Variants in ARHGDIB observed in about 807,000 individuals in gnomAD.
ARHGDIB encodes Rho GDP dissociation inhibitor beta, also known as rho GDP-dissociation inhibitor 2.
ARHGDIB carries 20 observed loss-of-function variants against 22.6 expected under a neutral mutation model. The observed-to-expected ratio is 0.88, with a 90% CI of 0.62 to 1.28. ARHGDIB has a LOEUF of 1.28. ARHGDIB is among the 50% of genes most tolerant of loss of function. The probability of loss-of-function intolerance (pLI) is 0.00; values close to 1 mark genes in which losing one functional copy is unlikely to be tolerated. For missense variants in ARHGDIB, 254 were observed against 245.4 expected, an observed-to-expected ratio of 1.04 and a Z score of -0.23; for synonymous variants, 114 against 96.1, an observed-to-expected ratio of 1.19 and a Z score of -1.09.
At chr12:14,951,654 AG>A (rs988405116) in intron 1 of ARHGDIB, among the ~76,000 whole-genome samples, 1 of 150,190 alleles carries the variant, frequency 6.7e-6, no homozygotes, top group African/African-American at 2.4e-5. Context: ...CATACCCTGG[AG>A]TCTTCCTTCA....
chr12:14,949,367 A>G (rs941773763), intron 3 of ARHGDIB, among the ~76,000 whole-genome samples: 2 of 152,194 alleles, frequency 1.3e-5, no homozygotes, highest in Non-Finnish European at 2.9e-5. Flanking sequence ...AATCTATAGC[A>G]GTGGAATTTC....
Position 14,944,977 on chromosome 12 carries a change from T to A in ARHGDIB, c.343-138A>T, listed in dbSNP as rs934132951. The A allele has an allele frequency of 9.5e-6, 6 of 633,912 alleles. No homozygotes were observed. The African/African-American group carries it at 1.1e-4, about 12-fold the overall frequency. The allele number at this position is 633,912 out of a possible 1,614,324, so 39.3% of individuals were successfully genotyped here. A position where few individuals can be genotyped will look rare whatever the true frequency, so the allele number is the denominator to read the frequency against. On this transcript the variant is annotated intron_variant, in intron 4 of 5. Transcript: ENST00000228945. ...ATTTAGTTCAGAATTGGTGTTTCTA[T>A]AATTATTTAGCATGGCTGTGAGGCA...
intron 1 of ARHGDIB, among the ~76,000 whole-genome samples, chr12:14,952,495 G>A (rs1310429021): frequency 1.3e-5 from 2 of 152,164 alleles, no homozygotes; most frequent in Non-Finnish European, 2.9e-5. Flanking sequence ...ACTCAAAGAT[G>A]AGACTCTAGA....
chr12:14,949,664 G>A (rs1162946574), intron 3 of ARHGDIB, 138 bp downstream of exon 3: 32 of 741,792 alleles, frequency 4.3e-5, no homozygotes, highest in South Asian at 3.8e-4. Context: ...CACTCTAAGA[G>A]CAATGATTTG....
At chr12:14,945,425 C>T (rs1324029736) in intron 4 of ARHGDIB, among the ~76,000 whole-genome samples, 20 of 152,164 alleles carry the variant, frequency 1.3e-4, no homozygotes, top group Admixed American at 1.2e-3. Flanking sequence ...CATTTTCAGA[C>T]GTTGTCTGAG....
At chr12:14,958,385 A>G (rs995280497) in intron 1 of ARHGDIB, among the ~76,000 whole-genome samples, 2 of 152,248 alleles carry the variant, frequency 1.3e-5, no homozygotes, top group Non-Finnish European at 2.9e-5. Context: ...AAATATTGTA[A>G]TCAATCCAGA....
intron 3 of ARHGDIB, chr12:14,948,747 A>G (rs2120708876): frequency 6.6e-6 from 1 of 152,324 alleles, no homozygotes. Context: ...GCTGAAGAGA[A>G]CAGATTTCTT....
At chr12:14,949,278 A>C (rs1864108578) in intron 3 of ARHGDIB, among the ~76,000 whole-genome samples, 1 of 152,170 alleles carries the variant, frequency 6.6e-6, no homozygotes, top group Admixed American at 6.6e-5. Flanking sequence ...GTGAAAGAAA[A>C]TAACATCTTA....
At chr12:14,957,111 C>T (rs1864317726) in intron 1 of ARHGDIB, among the ~76,000 whole-genome samples, 2 of 152,132 alleles carry the variant, frequency 1.3e-5, no homozygotes. Flanking sequence ...TCTCATAGAA[C>T]ATAGATTGAG....
chr12:14,954,458 C>T (rs1045486658), intron 1 of ARHGDIB, among the ~76,000 whole-genome samples: 3 of 152,178 alleles, frequency 2.0e-5, no homozygotes, highest in African/African-American at 7.2e-5. Context: ...GGAAGTAGAC[C>T]CTTAGGAGAA....
At position 14,947,690 on chromosome 12, in the gene ARHGDIB, G is replaced by A. The variant is rs568921153; in HGVS notation, c.342+183C>T. On this transcript the variant is annotated intron_variant, in intron 4 of 5. Transcript: ENST00000228945. ...AAGAAGTCCTGGCTAGGAAAAGACA[G>A]GAGGCAAACGTGGGTCTCAACAGGT... 1.1e-4 allele frequency: 61 copies of A among 573,568 alleles called. No homozygotes were observed. The Middle Eastern group carries it at 1.4e-3, about 13-fold the overall frequency. 35.5% of individuals were successfully genotyped at this position (573,568 alleles called of 1,614,324 possible). A position where few individuals can be genotyped will look rare whatever the true frequency, so the allele number is the denominator to read the frequency against.
intron 1 of ARHGDIB, among the ~76,000 whole-genome samples, chr12:14,955,212 C>T (rs148209315): frequency 1.4e-3 from 215 of 152,182 alleles, no homozygotes; most frequent in East Asian, 0.013. Context: ...ATTCAGTCAT[C>T]GCAATGTTGT....
intron 1 of ARHGDIB, among the ~76,000 whole-genome samples, chr12:14,955,057 C>A (rs1864270213): frequency 6.6e-6 from 1 of 152,096 alleles, no homozygotes; most frequent in South Asian, 2.1e-4. Context: ...ACTTATTTTT[C>A]TCCCAGACAT....
chr12:14,954,145 T>C (rs1031688891), intron 1 of ARHGDIB, among the ~76,000 whole-genome samples: 2 of 152,082 alleles, frequency 1.3e-5, no homozygotes, highest in Admixed American at 6.6e-5. Context: ...GCCTGGCTAA[T>C]TTTTTGTAGT....
intron 1 of ARHGDIB, among the ~76,000 whole-genome samples, chr12:14,959,622 T>C (rs1409826247): frequency 6.6e-6 from 1 of 152,160 alleles, no homozygotes; most frequent in East Asian, 1.9e-4. Context: ...TACTGTGCTC[T>C]CCCAAATCAG....
Position 14,950,744 on chromosome 12 carries a change from C to T in ARHGDIB, c.-12-20G>A, listed in dbSNP as rs1001357175. 1 of 1,563,898 alleles carries T rather than the reference C, an allele frequency of 6.4e-7. No individual in the cohort carries two copies. Among genetic ancestry groups the T allele is most frequent in the Non-Finnish European group, 8.6e-7 (1 of 1,159,942 alleles). ...CTATTTCTGGGAGACAGAATGACAG[C>T]CCGTTAGTCAACAAGTCATGAATAT... On this transcript the variant is annotated intron_variant, in intron 1 of 5. Coordinates refer to ENST00000228945, the MANE Select transcript of ARHGDIB (RefSeq NM_001175.7).
chr12:14,943,455 A>T (rs1863930066), intron 5 of ARHGDIB, among the ~76,000 whole-genome samples: 1 of 151,918 alleles, frequency 6.6e-6, no homozygotes, highest in Admixed American at 6.6e-5. Context: ...AACTCAGACA[A>T]ATTGAGACCT....
At chr12:14,956,403 C>G (rs960280137) in intron 1 of ARHGDIB, 2 of 152,104 alleles carry the variant, frequency 1.3e-5, no homozygotes, top group African/African-American at 4.8e-5. Context: ...CAAATGCTCC[C>G]TAATTTAAAG....
At chr12:14,954,278 T>C (rs1016927264) in intron 1 of ARHGDIB, among the ~76,000 whole-genome samples, 1 of 152,108 alleles carries the variant, frequency 6.6e-6, no homozygotes, top group African/African-American at 2.4e-5. Flanking sequence ...GAAGCTTGCT[T>C]TTTCCTGGAG....
Sources: allele counts gnomAD v4.1 joint callset (sites outside exome capture counted in the v4.1 genomes callset), GRCh38; gene constraint gnomAD v4.1.1; transcripts MANE v1.5; gene names NCBI Gene and HGNC (gene_info 2026-07-23, HGNC 2026-07-21).